BCKDHB: variants seen among roughly 807,000 people sequenced by gnomAD.
BCKDHB encodes 2-oxoisovalerate dehydrogenase subunit beta, mitochondrial.
Under a neutral mutation model 48.5 loss-of-function variants are expected in BCKDHB, and 41 were observed. That is an observed-to-expected ratio of 0.85 (90% CI 0.66 to 1.10). The LOEUF (loss-of-function observed/expected upper bound fraction) is 1.10. BCKDHB is among the 50% of genes least tolerant of loss of function. The pLI is 0.00. For synonymous variants in BCKDHB, 201 were observed against 174.8 expected, an observed-to-expected ratio of 1.15 and a Z score of -1.18; for missense variants, 496 against 494.2, an observed-to-expected ratio of 1.00 and a Z score of -0.03.
At chr6:80,356,758 G>A in the BCKDHB span, 2 of 152,078 alleles carry the variant, frequency 1.3e-5, no homozygotes, top group South Asian at 2.1e-4. Flanking sequence ...TTTCTGTTTT[G>A]TAAAACACTG....
At chr6:80,220,304 G>GTTTTTTT (rs56967096) in intron 8 of BCKDHB, among the ~76,000 whole-genome samples, 7 of 60,854 alleles carry the variant, frequency 1.2e-4, no homozygotes, top group African/African-American at 2.0e-4. Flanking sequence ...CATGCTATTT[G>GTTTTTTT]TTTTTTTTTT....
rs184870751 is a variant in BCKDHB, at chr6:80,176,276, G to T, written c.742+4886G>T. 7.9e-5 allele frequency among the ~76,000 whole-genome samples: 12 copies of T among 152,290 alleles called. No individual in the cohort carries two copies. The East Asian group carries it at 2.3e-3, about 29-fold the overall frequency. On this transcript the variant is annotated intron_variant, in intron 6 of 9. Coordinates refer to ENST00000320393, the MANE Select transcript of BCKDHB (RefSeq NM_183050.4). ...GATTAGATAACCTGAAATAAATGGTGTGTGATTGTGTGTGTGCTGATTTTA... is the reference window on the plus strand; with the variant it reads ...GATTAGATAACCTGAAATAAATGGTTTGTGATTGTGTGTGTGCTGATTTTA...
the BCKDHB span, among the ~76,000 whole-genome samples, chr6:80,442,257 T>C: frequency 6.6e-6 from 1 of 152,176 alleles, no homozygotes; most frequent in Non-Finnish European, 1.5e-5. Flanking sequence ...ACTTGGCTAA[T>C]ATAGTTTGAA....
At chr6:80,450,177 A>G in the BCKDHB span, among the ~76,000 whole-genome samples, 2 of 152,214 alleles carry the variant, frequency 1.3e-5, no homozygotes, top group Admixed American at 6.5e-5. Context: ...CAGCTCATAA[A>G]GAGACAGGTC....
chr6:80,441,244 A>G, the BCKDHB span: 1 of 152,216 alleles, frequency 6.6e-6, no homozygotes, highest in Middle Eastern at 3.4e-3. Context: ...TCTTAACCCA[A>G]TTTTAAGTGG....
At chr6:80,121,996 A>C (rs972088269) in intron 1 of BCKDHB, among the ~76,000 whole-genome samples, 7 of 152,162 alleles carry the variant, frequency 4.6e-5, no homozygotes, top group African/African-American at 1.7e-4. Context: ...GTTTGTCATA[A>C]ATAGCTCTTA....
At chr6:80,261,810 G>C (rs901500217) in intron 8 of BCKDHB, among the ~76,000 whole-genome samples, 1 of 152,176 alleles carries the variant, frequency 6.6e-6, no homozygotes, top group African/African-American at 2.4e-5. Flanking sequence ...TTAGAGACCT[G>C]CTTTTCTTTT....
At chr6:80,420,280 C>G in the BCKDHB span, among the ~76,000 whole-genome samples, 1 of 152,210 alleles carries the variant, frequency 6.6e-6, no homozygotes, top group Admixed American at 6.5e-5. Flanking sequence ...TATTCACCTC[C>G]TCCAGTCTTT....
intron 2 of BCKDHB, among the ~76,000 whole-genome samples, 181 bp from the exon 3 acceptor site, chr6:80,128,980 A>G (rs1770483170): frequency 6.6e-6 from 1 of 152,098 alleles, no homozygotes; most frequent in Non-Finnish European, 1.5e-5. Context: ...AGACCCTCAC[A>G]ACAAAAGAAT....
intron 9 of BCKDHB, among the ~76,000 whole-genome samples, chr6:80,304,692 T>C (rs1767765501): frequency 6.6e-6 from 1 of 152,168 alleles, no homozygotes; most frequent in Non-Finnish European, 1.5e-5. Flanking sequence ...GCAAAGTTTT[T>C]ATAGCAAACT....
intron 9 of BCKDHB, among the ~76,000 whole-genome samples, chr6:80,334,315 A>G (rs1475221006): frequency 1.3e-5 from 2 of 152,120 alleles, no homozygotes; most frequent in Non-Finnish European, 2.9e-5. Context: ...CTGCATATAA[A>G]TAATAGGGCA....
intron 3 of BCKDHB, among the ~76,000 whole-genome samples, chr6:80,137,208 A>G (rs1770933057): frequency 6.6e-6 from 1 of 152,140 alleles, no homozygotes; most frequent in East Asian, 1.9e-4. Flanking sequence ...TACTTTGATG[A>G]CCTTTTGTGA....
At chr6:80,349,087 G>A (rs1258653814), downstream of BCKDHB, among the ~76,000 whole-genome samples, 1 of 152,196 alleles carries the variant, frequency 6.6e-6, no homozygotes, top group African/African-American at 2.4e-5. Flanking sequence ...AAATAGTGAT[G>A]ATCATAAATA....
chr6:80,107,198 G>A (rs1769120771), intron 1 of BCKDHB, among the ~76,000 whole-genome samples: 1 of 151,390 alleles, frequency 6.6e-6, no homozygotes, highest in Non-Finnish European at 1.5e-5. Flanking sequence ...CCTTTTCTCT[G>A]TCCTCCGTCC....
At chr6:80,160,804 G>A (rs772341024) in intron 3 of BCKDHB, among the ~76,000 whole-genome samples, 2 of 152,154 alleles carry the variant, frequency 1.3e-5, no homozygotes, top group Non-Finnish European at 2.9e-5. Context: ...TTCCACACAT[G>A]TTTTCATTGA....
chr6:80,279,383 T>G (rs1244757730), intron 9 of BCKDHB, among the ~76,000 whole-genome samples: 1 of 152,174 alleles, frequency 6.6e-6, no homozygotes, highest in African/African-American at 2.4e-5. Flanking sequence ...CTCGAACTCC[T>G]GACCTCAAGT....
the BCKDHB span, among the ~76,000 whole-genome samples, chr6:80,391,687 A>G: frequency 6.6e-6 from 1 of 152,186 alleles, no homozygotes; most frequent in Non-Finnish European, 1.5e-5. Flanking sequence ...CAGCATTCCT[A>G]GATACCTAGT....
the BCKDHB span, among the ~76,000 whole-genome samples, chr6:80,433,888 A>G: frequency 6.6e-6 from 1 of 152,154 alleles, no homozygotes; most frequent in Non-Finnish European, 1.5e-5. Context: ...TGTAGGCTTT[A>G]TCATATTTGG....
chr6:80,233,342 C>A (rs1776012602), intron 8 of BCKDHB, among the ~76,000 whole-genome samples: 1 of 152,154 alleles, frequency 6.6e-6, no homozygotes, highest in Admixed American at 6.5e-5. Flanking sequence ...TTTCTCAAAT[C>A]ATTTTAGTAT....
Sources: gnomAD v4.1 joint callset for allele counts (sites outside exome capture counted in the v4.1 genomes callset) on GRCh38, gnomAD v4.1.1 for gene constraint, MANE v1.5 for transcripts, NCBI Gene and HGNC (gene_info 2026-07-23, HGNC 2026-07-21) for gene names.